Variants in MAN2A1 observed in about 807,000 individuals in gnomAD.
MAN2A1 encodes the protein alpha-mannosidase 2.
MAN2A1 carries 76 observed loss-of-function variants against 142.6 expected under a neutral mutation model. That is an observed-to-expected ratio of 0.53 (90% CI 0.44 to 0.65). The LOEUF is 0.65. Ranked by LOEUF, MAN2A1 falls within the 30% of genes least tolerant of loss-of-function variation. The probability of loss-of-function intolerance (pLI) is 0.00; values close to 1 mark genes in which losing one functional copy is unlikely to be tolerated. For missense variants in MAN2A1, 1,311 were observed against 1,365.1 expected (o/e 0.96, Z 0.62); for synonymous variants, 559 against 473.2 (o/e 1.18, Z -2.35).
In MAN2A1 at chr5:109,847,752, T is replaced by C; in HGVS notation, c.2938T>C (p.Phe980Leu). The C allele has an allele frequency of 6.3e-7, 1 of 1,594,974 alleles. No individual in the cohort carries two copies. Among genetic ancestry groups the C allele is most frequent in the Non-Finnish European group, 8.5e-7 (1 of 1,171,138 alleles). ...GGATAACAAGATTACAGCTAATCTA[T>C]TTCGAATACTACTAGAAAAAAGAAG... is the stretch of plus-strand genomic sequence containing the variant. ...IQDNKITANL[F>L]RILLEKRSAV... Residue 980 changes from phenylalanine (F) to leucine (L), a missense_variant, in exon 19 of 22, where the codon TTT becomes CTT. By Grantham distance (22) the Phe-to-Leu change is conservative. Transcript: ENST00000261483.
intron 15 of MAN2A1, among the ~76,000 whole-genome samples, chr5:109,821,780 C>G (rs1754629505): frequency 6.6e-6 from 1 of 152,014 alleles, no homozygotes; most frequent in African/African-American, 2.4e-5. Flanking sequence ...TCTGAGCACT[C>G]TATATGTGGT....
intron 8 of MAN2A1, among the ~76,000 whole-genome samples, chr5:109,775,957 A>G (rs1405444250): frequency 6.6e-6 from 1 of 152,086 alleles, no homozygotes; most frequent in Non-Finnish European, 1.5e-5. Context: ...TGGGACACCT[A>G]TGAATTTTGA....
At chr5:109,693,785 A>G (rs1282897369) in intron 1 of MAN2A1, among the ~76,000 whole-genome samples, 1 of 152,094 alleles carries the variant, frequency 6.6e-6, no homozygotes, top group African/African-American at 2.4e-5. Flanking sequence ...TTCTGGGAGG[A>G]ATTCCTTGGA....
At position 109,853,391 on chromosome 5, in the gene MAN2A1, A is replaced by G. The variant is rs114262405; in HGVS notation, c.2977-1749A>G. Among the ~76,000 whole-genome samples the G allele has an allele frequency of 1.6e-3, 241 of 152,244 alleles. 1 individual carries two copies. The highest frequency in any genetic ancestry group is 0.014 in the Middle Eastern group (4 of 294). On this transcript the variant is annotated intron_variant, in intron 19 of 21. Transcript: ENST00000261483. Reference sequence around the variant, plus strand: ...ATCTATGTTGATTAGAGGTGCCCCAACTCATTCTGTTGTGTGGTTAATTTG... The same window carrying G: ...ATCTATGTTGATTAGAGGTGCCCCAGCTCATTCTGTTGTGTGGTTAATTTG...
intron 3 of MAN2A1, among the ~76,000 whole-genome samples, chr5:109,727,840 C>G (rs1425456172): frequency 2.6e-5 from 4 of 152,142 alleles, no homozygotes; most frequent in African/African-American, 9.7e-5. Context: ...GATCCTGGCT[C>G]AGTGCTCTGG....
At chr5:109,786,292 G>C (rs147153924) in intron 10 of MAN2A1, among the ~76,000 whole-genome samples, 2,308 of 152,022 alleles carry the variant, frequency 0.015, 24 homozygotes, top group Non-Finnish European at 0.024. Context: ...TTTGTTGAGA[G>C]TTTAAAAGTG....
chr5:109,851,320 A>T (rs1755475701), intron 19 of MAN2A1, among the ~76,000 whole-genome samples: 1 of 152,202 alleles, frequency 6.6e-6, no homozygotes, highest in African/African-American at 2.4e-5. Flanking sequence ...TCTCTTTGGC[A>T]TTGCCAGGGT....
At chr5:109,789,868 C>T (rs1753692497) in intron 12 of MAN2A1, among the ~76,000 whole-genome samples, 1 of 151,724 alleles carries the variant, frequency 6.6e-6, no homozygotes, top group Non-Finnish European at 1.5e-5. Flanking sequence ...ACCTTGTTTT[C>T]ATTAATCCCT....
intron 4 of MAN2A1, among the ~76,000 whole-genome samples, chr5:109,745,504 T>C (rs1752376210): frequency 6.6e-6 from 1 of 152,196 alleles, no homozygotes; most frequent in African/African-American, 2.4e-5. Flanking sequence ...ATGAGTATTT[T>C]ATGAATAAAG....
chr5:109,805,271 C>A (rs1754135546), intron 12 of MAN2A1, among the ~76,000 whole-genome samples: 1 of 152,020 alleles, frequency 6.6e-6, no homozygotes, highest in African/African-American at 2.4e-5. Context: ...AATATTTATT[C>A]TTTTATTTGA....
chr5:109,783,979 C>T (rs1053314627), intron 9 of MAN2A1, among the ~76,000 whole-genome samples: 4 of 151,988 alleles, frequency 2.6e-5, no homozygotes, highest in Non-Finnish European at 5.9e-5. Flanking sequence ...GATCCTCCCA[C>T]CTCAGCCTCC....
rs534047434 is a variant in MAN2A1, at chr5:109,690,324, A to G, written c.-94A>G. Reference sequence around the variant, plus strand: ...GAGCGCGGAGGTCGCGCAGCCCGGGAGAAGGGAGCCTCCGGCGGCTGCTTC... The same window carrying G: ...GAGCGCGGAGGTCGCGCAGCCCGGGGGAAGGGAGCCTCCGGCGGCTGCTTC... On this transcript the variant is annotated 5_prime_UTR_variant, in exon 1 of 22. Coordinates refer to ENST00000261483, the MANE Select transcript of MAN2A1 (RefSeq NM_002372.4). 1.5e-6 allele frequency: 2 copies of G among 1,378,426 alleles called. No homozygotes were observed. Among genetic ancestry groups the G allele is most frequent in the African/African-American group, 1.4e-5 (1 of 70,190 alleles). The allele number at this position is 1,378,426 out of a possible 1,614,324, so 85.4% of individuals were successfully genotyped here.
chr5:109,752,364 A>G (rs1412696276), intron 4 of MAN2A1, among the ~76,000 whole-genome samples: 1 of 152,176 alleles, frequency 6.6e-6, no homozygotes, highest in Non-Finnish European at 1.5e-5. Context: ...TATTAAACTG[A>G]TGGCCTTATT....
intron 20 of MAN2A1, among the ~76,000 whole-genome samples, chr5:109,860,840 A>G (rs531782386): frequency 2.0e-5 from 3 of 152,214 alleles, no homozygotes; most frequent in Non-Finnish European, 4.4e-5. Context: ...CTGAATTGAT[A>G]TATTTTTTGA....
At chr5:109,707,510 G>A (rs1301323540) in intron 1 of MAN2A1, among the ~76,000 whole-genome samples, 1 of 152,244 alleles carries the variant, frequency 6.6e-6, no homozygotes, top group South Asian at 2.1e-4. Flanking sequence ...GATTCATTTA[G>A]TGAGGAAAAG....
intron 16 of MAN2A1, among the ~76,000 whole-genome samples, chr5:109,828,524 T>C (rs1035353463): frequency 9.9e-5 from 15 of 152,260 alleles, no homozygotes; most frequent in African/African-American, 3.6e-4. Flanking sequence ...GCTGTAATTA[T>C]TGGACTTTAG....
intron 4 of MAN2A1, among the ~76,000 whole-genome samples, chr5:109,740,755 CT>C (rs1292212970): frequency 6.6e-6 from 1 of 152,144 alleles, no homozygotes; most frequent in Non-Finnish European, 1.5e-5. Flanking sequence ...GGATTCCATG[CT>C]GATTTTTCAT....
chr5:109,841,010 G>A (rs574550029), intron 16 of MAN2A1, among the ~76,000 whole-genome samples: 4 of 152,152 alleles, frequency 2.6e-5, no homozygotes, highest in Admixed American at 6.5e-5. Context: ...CCTACCTTAT[G>A]CATTTTTCCT....
At chr5:109,733,610 T>C (rs1343199052) in intron 4 of MAN2A1, among the ~76,000 whole-genome samples, 1 of 152,190 alleles carries the variant, frequency 6.6e-6, no homozygotes, top group African/African-American at 2.4e-5. Context: ...TCTGCATCTA[T>C]TGAGATAATC....
Sources: allele counts gnomAD v4.1 joint callset (sites outside exome capture counted in the v4.1 genomes callset), GRCh38; gene constraint gnomAD v4.1.1; transcripts MANE v1.5; gene names NCBI Gene and HGNC (gene_info 2026-07-23, HGNC 2026-07-21).